Variants in LRRC4C observed in about 807,000 individuals in gnomAD.
LRRC4C encodes the protein leucine-rich repeat-containing protein 4C.
Under a neutral mutation model 33.6 loss-of-function variants are expected in LRRC4C, and 5 were observed. That is an observed-to-expected ratio of 0.15 (90% CI 0.08 to 0.31). The LOEUF is 0.31. LRRC4C is among the 10% of genes least tolerant of loss of function. The pLI, the probability that LRRC4C is intolerant of heterozygous loss-of-function variation, is 1.00. For synonymous variants in LRRC4C, 329 were observed against 302.0 expected (o/e 1.09, Z -0.93); for missense variants, 560 against 796.7 (o/e 0.70, Z 3.58).
intron 3 of LRRC4C, among the ~76,000 whole-genome samples, chr11:40,320,146 T>C (rs937984436): frequency 6.6e-6 from 1 of 152,156 alleles, no homozygotes; most frequent in Non-Finnish European, 1.5e-5. Flanking sequence ...CCTCTGGCCA[T>C]GAGCTAAAAA....
intron 5 of LRRC4C, among the ~76,000 whole-genome samples, chr11:40,228,208 C>G (rs1864950868): frequency 6.6e-6 from 1 of 152,076 alleles, no homozygotes; most frequent in South Asian, 2.1e-4. Context: ...TTACGTAACC[C>G]TCAACTAAGC....
chr11:40,870,602 A>T (rs1181863710), intron 2 of LRRC4C, among the ~76,000 whole-genome samples: 1 of 152,208 alleles, frequency 6.6e-6, no homozygotes, highest in Non-Finnish European at 1.5e-5. Context: ...ATCTCTGAAC[A>T]TAAATTGTGA....
chr11:40,520,184 T>C (rs1955750921), intron 3 of LRRC4C, among the ~76,000 whole-genome samples: 1 of 152,212 alleles, frequency 6.6e-6, no homozygotes, highest in South Asian at 2.1e-4. Flanking sequence ...CACTACTCAT[T>C]GACAACGCAT....
At chr11:41,238,158 T>C (rs1948102966) in intron 1 of LRRC4C, among the ~76,000 whole-genome samples, 1 of 152,212 alleles carries the variant, frequency 6.6e-6, no homozygotes, top group South Asian at 2.1e-4. Flanking sequence ...AATGTATTAA[T>C]GTGCTCATTA....
chr11:40,948,770 T>G (rs530657184), intron 1 of LRRC4C, among the ~76,000 whole-genome samples: 2 of 149,858 alleles, frequency 1.3e-5, no homozygotes, highest in Non-Finnish European at 3.0e-5. Flanking sequence ...TCTATCATTG[T>G]TGGACATTTG....
chr11:40,837,587 C>A (rs1204101605), intron 2 of LRRC4C, among the ~76,000 whole-genome samples: 2 of 150,446 alleles, frequency 1.3e-5, no homozygotes, highest in East Asian at 3.9e-4. Flanking sequence ...GACCTGTAAT[C>A]CTAGCACTTT....
intron 3 of LRRC4C, among the ~76,000 whole-genome samples, chr11:40,381,954 GTT>G (rs34415574): frequency 2.0e-4 from 17 of 85,880 alleles, no homozygotes; most frequent in African/African-American, 6.3e-4. Flanking sequence ...ATCAGTCAGC[GTT>G]TTTTTTTTTT....
At chr11:40,563,927 T>C (rs933969933) in intron 3 of LRRC4C, among the ~76,000 whole-genome samples, 1 of 152,140 alleles carries the variant, frequency 6.6e-6, no homozygotes, top group Admixed American at 6.5e-5. Context: ...TGCTGCTTCA[T>C]CCCCCATAAG....
intron 1 of LRRC4C, among the ~76,000 whole-genome samples, chr11:41,293,745 G>A (rs1161109017): frequency 2.6e-5 from 4 of 151,748 alleles, no homozygotes; most frequent in African/African-American, 4.8e-5. Flanking sequence ...TTACAGGTGC[G>A]TGCCATCATG....
intron 2 of LRRC4C, among the ~76,000 whole-genome samples, chr11:40,777,486 GTCCTTTTTTACTGTT>G (rs1382215317): frequency 2.5e-5 from 3 of 122,114 alleles, no homozygotes; most frequent in Non-Finnish European, 3.3e-5. Flanking sequence ...ACCATTCTTT[GTCCTTTTTTACTGTT>G]TTTTTTTTTT....
At chr11:40,410,057 A>T (rs12575992) in intron 3 of LRRC4C, among the ~76,000 whole-genome samples, 1 of 152,076 alleles carries the variant, frequency 6.6e-6, no homozygotes, top group Non-Finnish European at 1.5e-5. Context: ...AGCCACTTGC[A>T]CTTGTTTACG....
chr11:40,358,338 C>T (rs766693534), intron 3 of LRRC4C, among the ~76,000 whole-genome samples: 4 of 152,108 alleles, frequency 2.6e-5, no homozygotes, highest in East Asian at 1.9e-4. Context: ...TGGAGTGTAG[C>T]GGTGGGATCT....
At chr11:41,415,648 G>T (rs1376547305) in intron 1 of LRRC4C, among the ~76,000 whole-genome samples, 1 of 152,082 alleles carries the variant, frequency 6.6e-6, no homozygotes, top group African/African-American at 2.4e-5. Flanking sequence ...GTTTAAGAGA[G>T]CAGCAACGTT....
intron 5 of LRRC4C, among the ~76,000 whole-genome samples, chr11:40,216,446 C>T (rs1400479690): frequency 6.6e-6 from 1 of 152,106 alleles, no homozygotes; most frequent in African/African-American, 2.4e-5. Flanking sequence ...ATCATAATCC[C>T]CCATCTCAAT....
intron 1 of LRRC4C, among the ~76,000 whole-genome samples, chr11:41,344,482 A>C (rs1951742075): frequency 6.6e-6 from 1 of 152,116 alleles, no homozygotes; most frequent in South Asian, 2.1e-4. Context: ...GGCCTCCCAA[A>C]GTGCTGGGAT....
At chr11:40,849,580 T>C (rs1953376146) in intron 2 of LRRC4C, among the ~76,000 whole-genome samples, 1 of 152,148 alleles carries the variant, frequency 6.6e-6, no homozygotes, top group East Asian at 1.9e-4. Context: ...TTTTTTTCCC[T>C]TCATTTCAAC....
chr11:40,773,161 A>G (rs1414730386), intron 2 of LRRC4C, among the ~76,000 whole-genome samples: 1 of 152,178 alleles, frequency 6.6e-6, no homozygotes, highest in Non-Finnish European at 1.5e-5. Flanking sequence ...AATTAAACTC[A>G]TGGAGATAAG....
intron 2 of LRRC4C, among the ~76,000 whole-genome samples, chr11:40,722,431 C>G (rs1947066126): frequency 6.6e-6 from 1 of 152,148 alleles, no homozygotes; most frequent in South Asian, 2.1e-4. Context: ...GAAAACTACA[C>G]TGCTTCAAAA....
At chr11:41,395,185 A>G (rs1953758355) in intron 1 of LRRC4C, among the ~76,000 whole-genome samples, 1 of 151,972 alleles carries the variant, frequency 6.6e-6, no homozygotes, top group Non-Finnish European at 1.5e-5. Flanking sequence ...GATCAGCAGG[A>G]AAGAGCAGAG....
Sources: gnomAD v4.1 joint callset for allele counts (sites outside exome capture counted in the v4.1 genomes callset) on GRCh38, gnomAD v4.1.1 for gene constraint, MANE v1.5 for transcripts, NCBI Gene and HGNC (gene_info 2026-07-23, HGNC 2026-07-21) for gene names.